Variants in LRRTM4 observed in about 807,000 individuals in gnomAD.
LRRTM4 encodes the protein leucine-rich repeat transmembrane neuronal protein 4.
A neutral mutation model predicts 47.6 loss-of-function variants in LRRTM4; 25 were observed. The observed-to-expected ratio is 0.53, with a 90% CI of 0.38 to 0.73. The LOEUF is 0.73. LRRTM4 is among the 30% of genes least tolerant of loss of function. LRRTM4 has a pLI of 0.00. For synonymous variants in LRRTM4, 311 were observed against 269.5 expected, an observed-to-expected ratio of 1.15 and a Z score of -1.51; for missense variants, 638 against 713.4, an observed-to-expected ratio of 0.89 and a Z score of 1.20.
chr2:77,043,446 T>C (rs1023090005), intron 3 of LRRTM4, among the ~76,000 whole-genome samples: 51 of 151,726 alleles, frequency 3.4e-4, no homozygotes, highest in African/African-American at 1.2e-3. Flanking sequence ...TTCTGAGAAA[T>C]TTCTGGTTCC....
intron 3 of LRRTM4, among the ~76,000 whole-genome samples, chr2:77,036,108 G>A (rs1678827426): frequency 6.6e-6 from 1 of 151,704 alleles, no homozygotes; most frequent in African/African-American, 2.4e-5. Flanking sequence ...GAGTAGTAAT[G>A]GTTTACCTGC....
chr2:76,916,050 T>C (rs1558736246), intron 3 of LRRTM4, among the ~76,000 whole-genome samples: 1 of 151,200 alleles, frequency 6.6e-6, no homozygotes, highest in Non-Finnish European at 1.5e-5. Context: ...AGATTAAGAA[T>C]AAAAATAGAA....
intron 3 of LRRTM4, among the ~76,000 whole-genome samples, chr2:77,184,069 A>C (rs1573049817): frequency 6.6e-6 from 1 of 152,146 alleles, no homozygotes; most frequent in Non-Finnish European, 1.5e-5. Context: ...GTACCCTAAA[A>C]CTTAAAAGTA....
chr2:77,514,210 T>C (rs1679125035), intron 3 of LRRTM4, among the ~76,000 whole-genome samples: 1 of 152,042 alleles, frequency 6.6e-6, no homozygotes, highest in Non-Finnish European at 1.5e-5. Flanking sequence ...AAGTTTGTTT[T>C]CTATAGCTGT....
intron 3 of LRRTM4, among the ~76,000 whole-genome samples, chr2:76,775,996 C>G (rs908558221): frequency 3.3e-5 from 5 of 149,808 alleles, no homozygotes; most frequent in African/African-American, 7.4e-5. Context: ...CTATGAGTGA[C>G]AATATGCGGT....
At chr2:77,015,590 C>A (rs927422785) in intron 3 of LRRTM4, among the ~76,000 whole-genome samples, 3 of 152,014 alleles carry the variant, frequency 2.0e-5, no homozygotes, top group African/African-American at 4.8e-5. Context: ...TCCCAAAGTG[C>A]TGGGATTACA....
intron 3 of LRRTM4, among the ~76,000 whole-genome samples, chr2:76,782,399 G>A (rs758758584): frequency 6.6e-6 from 1 of 152,058 alleles, no homozygotes; most frequent in Non-Finnish European, 1.5e-5. Context: ...ATAACTAGTG[G>A]TGCTTTCTTT....
At position 76,812,786 on chromosome 2, in the gene LRRTM4, C is replaced by T. The variant is rs1208003679; in HGVS notation, c.1552-63870G>A. Among the ~76,000 whole-genome samples, 30 of 115,742 alleles carry T rather than the reference C, an allele frequency of 2.6e-4. 1 individual carries two copies. The highest frequency in any genetic ancestry group is 0.01 in the Middle Eastern group (2 of 200). The allele number at this position is 115,742 out of a possible 152,430, so 75.9% of individuals were successfully genotyped here. ...TCCTCCTCTCCCTCCCCCTCCTCCT[C>T]TCCCTCCCCCCCCTCCTCCTCCTTA... On this transcript the variant is annotated intron_variant, in intron 3 of 3. Transcript: ENST00000409884.
At chr2:76,973,308 G>T (rs1676286113) in intron 3 of LRRTM4, among the ~76,000 whole-genome samples, 1 of 151,884 alleles carries the variant, frequency 6.6e-6, no homozygotes, top group Non-Finnish European at 1.5e-5. Flanking sequence ...TTATAAAATA[G>T]GAGAGTACTA....
At chr2:77,246,769 GATA>G (rs1324184647) in intron 3 of LRRTM4, among the ~76,000 whole-genome samples, 2 of 151,662 alleles carry the variant, frequency 1.3e-5, no homozygotes, top group African/African-American at 2.4e-5. Context: ...GTATAGTTAT[GATA>G]ATAATATGCC....
intron 3 of LRRTM4, among the ~76,000 whole-genome samples, chr2:77,369,210 C>T (rs1429799282): frequency 1.3e-5 from 2 of 151,472 alleles, no homozygotes; most frequent in African/African-American, 4.8e-5. Flanking sequence ...TCACTATTTC[C>T]AATTATATAT....
intron 3 of LRRTM4, among the ~76,000 whole-genome samples, chr2:76,781,461 C>G (rs546125809): frequency 5.9e-5 from 9 of 152,222 alleles, no homozygotes; most frequent in African/African-American, 9.6e-5. Flanking sequence ...TGTGGTGGGC[C>G]CCTTTTTTAA....
At chr2:77,234,700 T>G (rs989509755) in intron 3 of LRRTM4, among the ~76,000 whole-genome samples, 25 of 152,272 alleles carry the variant, frequency 1.6e-4, no homozygotes, top group African/African-American at 5.8e-4. Flanking sequence ...CTCAGATCAA[T>G]TAATTAAGAA....
At chr2:77,502,711 C>T (rs1678619138) in intron 3 of LRRTM4, among the ~76,000 whole-genome samples, 1 of 151,438 alleles carries the variant, frequency 6.6e-6, no homozygotes, top group Non-Finnish European at 1.5e-5. Flanking sequence ...AGACATTAAT[C>T]AAGTCATTAT....
At chr2:77,239,445 A>G (rs1675198938) in intron 3 of LRRTM4, among the ~76,000 whole-genome samples, 2 of 152,004 alleles carry the variant, frequency 1.3e-5, no homozygotes, top group South Asian at 4.1e-4. Context: ...TCATATACAT[A>G]GTACTAAATG....
Position 76,778,969 on chromosome 2 carries a change from T to C in LRRTM4, c.1552-30053A>G, listed in dbSNP as rs865858037. On this transcript the variant is annotated intron_variant, in intron 3 of 3. Transcript: ENST00000409884. Reference sequence around the variant, plus strand: ...GATTCTGGTATGTTGTGTCTTTGTTTTCGTTGGTTTCAAAGAACATCCTTA... The same window carrying C: ...GATTCTGGTATGTTGTGTCTTTGTTCTCGTTGGTTTCAAAGAACATCCTTA... Among the ~76,000 whole-genome samples the C allele has an allele frequency of 1.1e-3, 157 of 149,334 alleles. 2 individuals are homozygous for C. Among genetic ancestry groups the C allele is most frequent in the South Asian group, 8.2e-3 (38 of 4,608 alleles).
At chr2:76,764,343 A>G (rs1245822141) in intron 3 of LRRTM4, among the ~76,000 whole-genome samples, 1 of 152,208 alleles carries the variant, frequency 6.6e-6, no homozygotes, top group Non-Finnish European at 1.5e-5. Context: ...AGAATTATAT[A>G]AACTGAGGCA....
chr2:76,869,563 A>C (rs7575858), intron 3 of LRRTM4, among the ~76,000 whole-genome samples: 1,933 of 152,118 alleles, frequency 0.013, 43 homozygotes, highest in African/African-American at 0.045. Flanking sequence ...TGATTTTTTT[A>C]AAAAAAGTCA....
intron 3 of LRRTM4, among the ~76,000 whole-genome samples, chr2:76,790,629 T>C (rs920836148): frequency 6.6e-6 from 1 of 152,166 alleles, no homozygotes; most frequent in Non-Finnish European, 1.5e-5. Context: ...CCCATTGCTA[T>C]TTCTCGTGGA....
Sources: gnomAD v4.1 joint callset for allele counts (sites outside exome capture counted in the v4.1 genomes callset) on GRCh38, gnomAD v4.1.1 for gene constraint, MANE v1.5 for transcripts, NCBI Gene and HGNC (gene_info 2026-07-23, HGNC 2026-07-21) for gene names.